RBM5: variants seen among roughly 807,000 people sequenced by gnomAD.
RBM5 encodes the protein RNA binding motif protein 5.
Under a neutral mutation model 124.6 loss-of-function variants are expected in RBM5, and 15 were observed. The ratio of observed to expected loss-of-function variants is 0.12; its 90% CI spans 0.08 to 0.19. RBM5 has a LOEUF of 0.19. Ranked by LOEUF, RBM5 falls within the 10% of genes least tolerant of loss-of-function variation. RBM5 has a pLI of 1.00. For synonymous variants in RBM5, 337 were observed against 361.2 expected (o/e 0.93, Z 0.76); for missense variants, 580 against 1,026.5 (o/e 0.57, Z 5.94).
chr3:50,100,507 G>C lies in RBM5; in HGVS notation c.410-25G>C. 1 of 1,580,292 alleles carries C rather than the reference G, an allele frequency of 6.3e-7. No individual in the cohort carries two copies. The highest frequency in any genetic ancestry group is 8.7e-7 in the Non-Finnish European group (1 of 1,149,664). ...AGGAACTGACTAACACAAGTATCCC[G>C]TCTATATCTGAATGCTGTCTCTAGG... is the stretch of plus-strand genomic sequence containing the variant. On this transcript the variant is annotated intron_variant, in intron 5 of 24. Transcript: ENST00000347869. The surrounding 1 kb of genome is among the most constrained non-coding windows in gnomAD (Gnocchi z 5.1).
At position 50,118,353 on chromosome 3, in the gene RBM5, C is replaced by T. The variant is rs1236917425; in HGVS notation, c.2345C>T (p.Ala782Val). The T allele has an allele frequency of 3.1e-6, 5 of 1,614,046 alleles. No homozygotes were observed. The Admixed American group carries it at 8.3e-5, about 27-fold the overall frequency. Residue 782 changes from alanine to valine, a missense_variant, in exon 25 of 25, where the codon GCT (alanine) becomes GTT (valine). By Grantham distance (64) the Ala-to-Val change is moderately conservative (BLOSUM62 0). Transcript: ENST00000347869. ...PIEAQVRLKG[A>V]GLGAKGSAYG... ...CAGGCTCAAGTTCGGCTAAAGGGAGCTGGCCTAGGAGCCAAAGGCAGCGCA... is the reference window on the plus strand; with the variant it reads ...CAGGCTCAAGTTCGGCTAAAGGGAGTTGGCCTAGGAGCCAAAGGCAGCGCA...
In RBM5 at chr3:50,100,680, AG is replaced by A. The variant is rs1431769079; in HGVS notation, c.483+76del. On this transcript the variant is annotated intron_variant, in intron 6 of 24. Coordinates refer to ENST00000347869, the MANE Select transcript of RBM5 (RefSeq NM_005778.4). This position sits in a 1 kb window ranked among gnomAD's most constrained non-coding sequence, Gnocchi z 5.1. ...TACAATTTTAAAAAAAGGTTGAAGG[AG>A]TGGTTTGTTCCAAAGGAGTGACTTT... 1.6e-6 allele frequency: 2 copies of A among 1,280,284 alleles called. No individual in the cohort carries two copies. Among genetic ancestry groups the A allele is most frequent in the East Asian group, 4.7e-5 (2 of 42,642 alleles). 79.3% of individuals were successfully genotyped at this position (1,280,284 alleles called of 1,614,324 possible).
At chr3:50,093,137 T>A (rs1575934451) in intron 3 of RBM5, 2 of 132,586 alleles carry the variant, frequency 1.5e-5, no homozygotes. Flanking sequence ...AGACTCTGTC[T>A]CAAAAAAAAA....
At position 50,106,755 on chromosome 3, in the gene RBM5, ATTCTCC is replaced by A; in HGVS notation, c.856-8_856-3del. The A allele has an allele frequency of 6.4e-7, 1 of 1,571,228 alleles. No individual in the cohort carries two copies. Among genetic ancestry groups the A allele is most frequent in the Non-Finnish European group, 8.8e-7 (1 of 1,142,370 alleles). On this transcript the variant is annotated splice_region_variant and splice_polypyrimidine_tract_variant and intron_variant, in intron 10 of 24. Coordinates refer to ENST00000347869, the MANE Select transcript of RBM5 (RefSeq NM_005778.4). Reference sequence around the variant, plus strand: ...TGCATTACACGTTTTTTTCCTTCACATTCTCCTTCAGGATGCTTCTCAGCTGCTTCA... The same window carrying A: ...TGCATTACACGTTTTTTTCCTTCACATTCAGGATGCTTCTCAGCTGCTTCA...
At chr3:50,104,894 A>G (rs1209283088) in intron 8 of RBM5, 183 bp from the exon 9 acceptor site, 1 of 530,020 alleles carries the variant, frequency 1.9e-6, no homozygotes, top group African/African-American at 1.9e-5. Flanking sequence ...CTGTGGCCCA[A>G]AGTTTGCATT....
intron 16 of RBM5, 100 bp from the exon 17 acceptor site, chr3:50,110,579 G>A: frequency 7.0e-7 from 1 of 1,437,122 alleles, no homozygotes; most frequent in South Asian, 1.2e-5. Flanking sequence ...ATGTGAGACA[G>A]AGAAGAAACA....
rs1357880247 is a variant in RBM5 at position 50,106,751 on chromosome 3, TCACA to T, written c.856-15_856-12del. 3 of 1,564,502 alleles carry T rather than the reference TCACA, an allele frequency of 1.9e-6. No homozygotes were observed. The highest frequency in any genetic ancestry group is 1.7e-5 in the Admixed American group (1 of 59,712). The stretch of plus-strand genomic sequence containing the variant: ...TAATTGCATTACACGTTTTTTTCCT[TCACA>T]TTCTCCTTCAGGATGCTTCTCAGCT... On this transcript the variant is annotated splice_polypyrimidine_tract_variant and intron_variant, in intron 10 of 24. Transcript: ENST00000347869.
rs1208863291 is a variant in RBM5 at position 50,117,175 on chromosome 3, T to G, written c.2192+4T>G. The G allele has an allele frequency of 1.9e-6, 3 of 1,614,218 alleles. No homozygotes were observed. Among genetic ancestry groups the G allele is most frequent in the Non-Finnish European group, 2.5e-6 (3 of 1,180,040 alleles). On this transcript the variant is annotated splice_donor_region_variant and intron_variant, in intron 23 of 24. Coordinates refer to ENST00000347869, the MANE Select transcript of RBM5 (RefSeq NM_005778.4). The surrounding 1 kb of genome is among the most constrained non-coding windows in gnomAD (Gnocchi z 4.2). The stretch of plus-strand genomic sequence containing the variant: ...AGCAGTTTGATGCCGGCACTGTGTA[T>G]GTGATGTGCACATTTTCCAGTTCGT...
chr3:50,090,160 A>G lies in RBM5; in HGVS notation c.-53-222A>G. 4 of 340,422 alleles carry G rather than the reference A, an allele frequency of 1.2e-5. No individual in the cohort carries two copies. The South Asian group carries it at 1.2e-4, about 10-fold the overall frequency. 21.1% of individuals were successfully genotyped at this position (340,422 alleles called of 1,614,324 possible). A position where few individuals can be genotyped will look rare whatever the true frequency, so the allele number is the denominator to read the frequency against. ...GATTCTGTTAAATCTGGAATCTAAT[A>G]TTTTAAAATATGCTTAATCTTCCGG... On this transcript the variant is annotated intron_variant, in intron 1 of 24. Coordinates refer to ENST00000347869, the MANE Select transcript of RBM5 (RefSeq NM_005778.4).
Position 50,108,106 on chromosome 3 carries a change from T to A in RBM5, c.1078T>A (p.Tyr360Asn). ...SGEGGSVDYS[Y>N]LQPGQDGYAQ... ...TGAAGGAGGCAGTGTTGACTACAGTTATCTGCAACCAGGTCAAGATGGCTA... is the reference window on the plus strand; with the variant it reads ...TGAAGGAGGCAGTGTTGACTACAGTAATCTGCAACCAGGTCAAGATGGCTA... The change falls in exon 13 of 25, where the codon TAT (tyrosine) becomes AAT (asparagine). Residue 360 changes from tyrosine to asparagine, a missense_variant. By Grantham distance (143) the Tyr-to-Asn change is moderately radical. This residue lies in a region of RBM5 where 104 missense variants were observed against 128.7 expected (regional missense o/e 0.81). Transcript: ENST00000347869. 1 of 1,611,974 alleles carries A rather than the reference T, an allele frequency of 6.2e-7. No individual in the cohort carries two copies. Among genetic ancestry groups the A allele is most frequent in the Non-Finnish European group, 8.5e-7 (1 of 1,178,004 alleles).
chr3:50,100,291 T>G lies in RBM5; in HGVS notation c.409+240T>G, dbSNP rs943347245. 7.3e-6 allele frequency: 4 copies of G among 545,810 alleles called. No individual in the cohort carries two copies. In the Admixed American group the frequency reaches 1.1e-4, roughly 15 times the overall value. The allele number at this position is 545,810 out of a possible 1,614,324, so 33.8% of individuals were successfully genotyped here. A position where few individuals can be genotyped will look rare whatever the true frequency, so the allele number is the denominator to read the frequency against. ...TGATTTATAAACTCCTTTTTTTTTT[T>G]GACTATAGTCGGTTGCATGGTTACT... On this transcript the variant is annotated intron_variant, in intron 5 of 24. Transcript: ENST00000347869. The surrounding 1 kb of genome is among the most constrained non-coding windows in gnomAD (Gnocchi z 5.1).
chr3:50,092,844 T>C (rs1458746584), intron 3 of RBM5: 1 of 362,268 alleles, frequency 2.8e-6, no homozygotes, highest in Non-Finnish European at 5.7e-6. Flanking sequence ...AGCCCAGGAG[T>C]TAGAGGCCAG....
intron 22 of RBM5, 121 bp from the exon 23 acceptor site, chr3:50,116,953 G>C (rs1312877259): frequency 1.2e-6 from 1 of 858,538 alleles, no homozygotes; most frequent in Non-Finnish European, 1.9e-6. Flanking sequence ...TTTCAGAGCA[G>C]TCTAAAAAAA....
Position 50,110,374 on chromosome 3 carries a change from T to C in RBM5, c.1279-5T>C. On this transcript the variant is annotated splice_region_variant and splice_polypyrimidine_tract_variant and intron_variant, in intron 15 of 24. Coordinates refer to ENST00000347869, the MANE Select transcript of RBM5 (RefSeq NM_005778.4). ...AAATTATATTGAAGCTGCTGTTCTTTCCAGACTGAGGAAGCACAGCCTAGC... is the reference window on the plus strand; with the variant it reads ...AAATTATATTGAAGCTGCTGTTCTTCCCAGACTGAGGAAGCACAGCCTAGC... 6.2e-7 allele frequency: 1 copy of C among 1,613,702 alleles called. No individual in the cohort carries two copies. Among genetic ancestry groups the C allele is most frequent in the African/African-American group, 1.3e-5 (1 of 75,030 alleles).
chr3:50,103,011 G>A (rs2090969970), intron 6 of RBM5, 72 bp from the exon 7 acceptor site: 1 of 1,237,380 alleles, frequency 8.1e-7, no homozygotes, highest in Non-Finnish European at 1.2e-6. Context: ...TTTTTCCGAA[G>A]TGTGCTCTGC....
At chr3:50,107,418 T>C (rs954717471) in intron 11 of RBM5, 64 bp from the exon 12 acceptor site, 5 of 1,278,812 alleles carry the variant, frequency 3.9e-6, no homozygotes, top group Non-Finnish European at 5.7e-6. Flanking sequence ...CAGTTGGTGG[T>C]ATAGGGGCAC....
At chr3:50,098,568 A>C (rs1178414821) in intron 4 of RBM5, among the ~76,000 whole-genome samples, 3 of 151,830 alleles carry the variant, frequency 2.0e-5, no homozygotes, top group African/African-American at 7.3e-5. Context: ...TCAGCCTCCC[A>C]AGTAGCTAGG....
At chr3:50,094,925 G>T (rs142202493) in intron 4 of RBM5, among the ~76,000 whole-genome samples, 3 of 152,240 alleles carry the variant, frequency 2.0e-5, no homozygotes, top group Non-Finnish European at 4.4e-5. Flanking sequence ...GGCCAGGCGC[G>T]GTGGCTCATG....
intron 17 of RBM5, 45 bp downstream of exon 17, chr3:50,110,815 G>T (rs754816670): frequency 2.9e-5 from 42 of 1,464,780 alleles, no homozygotes; most frequent in Non-Finnish European, 3.5e-5. Flanking sequence ...AAGTAGTTTC[G>T]CTTAGTGCAT....
Sources: gnomAD v4.1 joint callset for allele counts (sites outside exome capture counted in the v4.1 genomes callset) on GRCh38, gnomAD v4.1.1 for gene constraint, gnomAD v4.1.1 regional missense constraint, Gnocchi (gnomAD v3.1) non-coding constraint, MANE v1.5 for transcripts, NCBI Gene and HGNC (gene_info 2026-07-23, HGNC 2026-07-21) for gene names.